The following PSMA6 variants were observed in gnomAD, a reference collection of about 807,000 sequenced individuals.
PSMA6 encodes proteasome subunit alpha type-6.
For missense variants in PSMA6, 170 were observed against 294.8 expected, an observed-to-expected ratio of 0.58 and a Z score of 3.10; for synonymous variants, 88 against 97.7, an observed-to-expected ratio of 0.90 and a Z score of 0.59.
intron 1 of PSMA6, among the ~76,000 whole-genome samples, chr14:35,302,653 G>T (rs1442465112): frequency 6.6e-6 from 1 of 151,804 alleles, no homozygotes; most frequent in East Asian, 1.9e-4. Context: ...GACTCCAGTT[G>T]TACATATCTT....
intron 3 of PSMA6, among the ~76,000 whole-genome samples, chr14:35,309,360 T>C (rs1371158770): frequency 6.6e-6 from 1 of 152,084 alleles, no homozygotes; most frequent in East Asian, 1.9e-4. Flanking sequence ...ATTATGAAAA[T>C]TATTTTAGGT....
At chr14:35,316,628 G>A (rs1566565486) in intron 6 of PSMA6, 2 of 152,194 alleles carry the variant, frequency 1.3e-5, no homozygotes, top group African/African-American at 4.8e-5. Flanking sequence ...AGCACTTTGG[G>A]AGGCTGAGGC....
chr14:35,297,573 G>A (rs554491711), intron 1 of PSMA6, among the ~76,000 whole-genome samples: 8 of 152,076 alleles, frequency 5.3e-5, no homozygotes, highest in South Asian at 2.1e-4. Context: ...TCAAGCCCAC[G>A]TTTATATGGG....
At chr14:35,314,529 G>T in intron 6 of PSMA6, 74 bp downstream of exon 6, 1 of 1,415,716 alleles carries the variant, frequency 7.1e-7, no homozygotes, top group Non-Finnish European at 9.3e-7. Flanking sequence ...ATAACTTGTG[G>T]GGGAAATCTT....
chr14:35,279,941 G>C (rs916997823), intron 1 of PSMA6, among the ~76,000 whole-genome samples: 1 of 150,784 alleles, frequency 6.6e-6, no homozygotes, highest in South Asian at 2.1e-4. Context: ...TGGCTAACAC[G>C]GTGAAACCCC....
chr14:35,314,628 T>A, intron 6 of PSMA6, 173 bp downstream of exon 6: 2 of 749,490 alleles, frequency 2.7e-6, no homozygotes, highest in Non-Finnish European at 3.7e-6. Flanking sequence ...TGGACTCTAT[T>A]TAAGAGTCAG....
intron 1 of PSMA6, among the ~76,000 whole-genome samples, chr14:35,283,725 C>CCA (rs1401815369): frequency 6.6e-6 from 1 of 151,808 alleles, no homozygotes; most frequent in Admixed American, 6.6e-5. Context: ...GTGGACACCA[C>CCA]CACACCTGGT....
intron 1 of PSMA6, among the ~76,000 whole-genome samples, chr14:35,304,847 C>T (rs1421584987): frequency 6.6e-6 from 1 of 152,000 alleles, no homozygotes. Flanking sequence ...CTCCAGAAGC[C>T]GAGGCAAGAG....
chr14:35,308,143 C>A, intron 2 of PSMA6, 55 bp downstream of exon 2: 1 of 1,590,426 alleles, frequency 6.3e-7, no homozygotes, highest in East Asian at 2.3e-5. Context: ...ATTTTTCAGC[C>A]AAGTGCAGTG....
intron 4 of PSMA6, chr14:35,311,116 A>T: frequency 4.7e-6 from 2 of 421,580 alleles, no homozygotes; most frequent in Non-Finnish European, 8.4e-6. Flanking sequence ...TTTTTATCAA[A>T]GTATTTCCAT....
intron 1 of PSMA6, among the ~76,000 whole-genome samples, chr14:35,300,278 G>A (rs945625511): frequency 6.6e-6 from 1 of 152,146 alleles, no homozygotes; most frequent in Admixed American, 6.6e-5. Flanking sequence ...AAACTAGCCT[G>A]GACAAAATAA....
rs1594376871 is a variant in PSMA6 at position 35,292,515 on chromosome 14, T to G, written c.39T>G (p.Ile13Met). ...RGSSAGFDRH[I>M]TIFSPEGRLY... ...CCAGCGCCGGTTTTGACCGCCACAT[T>G]ACCATTTTTTCACCCGAGGGTCGGC... The change falls in exon 1 of 7, where the codon ATT (isoleucine) becomes ATG (methionine). Residue 13 changes from isoleucine to methionine, a missense_variant. Transcript: ENST00000261479. 6.2e-7 allele frequency: 1 copy of G among 1,613,758 alleles called. No homozygotes were observed. Among genetic ancestry groups the G allele is most frequent in the African/African-American group, 1.3e-5 (1 of 75,032 alleles).
At chr14:35,314,292 A>T in intron 5 of PSMA6, 69 bp from the exon 6 acceptor site, 1 of 1,434,842 alleles carries the variant, frequency 7.0e-7, no homozygotes, top group Non-Finnish European at 9.2e-7. Flanking sequence ...GATTTGAATA[A>T]GCTAGGAATG....
At chr14:35,302,357 A>G (rs1423241864) in intron 1 of PSMA6, among the ~76,000 whole-genome samples, 1 of 152,214 alleles carries the variant, frequency 6.6e-6, no homozygotes, top group East Asian at 1.9e-4. Context: ...GCCATCACAC[A>G]CAGCCAGAAT....
chr14:35,285,207 A>G (rs539919279), intron 1 of PSMA6, among the ~76,000 whole-genome samples: 2 of 152,026 alleles, frequency 1.3e-5, no homozygotes, highest in Non-Finnish European at 2.9e-5. Flanking sequence ...TCAGCCAAGC[A>G]TGGTGGTGCA....
chr14:35,292,336 C>T, upstream of PSMA6: 2 of 1,503,196 alleles, frequency 1.3e-6, no homozygotes, highest in South Asian at 2.6e-5. Flanking sequence ...GGCTCCAGAG[C>T]CGTGAGTTCG....
At chr14:35,287,803 GTA>G (rs1440815514), upstream of PSMA6, among the ~76,000 whole-genome samples, 2 of 152,316 alleles carry the variant, frequency 1.3e-5, no homozygotes, top group African/African-American at 4.8e-5. Context: ...TAGAGCTGCA[GTA>G]TTGGTACCCA....
At chr14:35,293,019 C>T (rs1023376948) in intron 1 of PSMA6, 1 of 457,346 alleles carries the variant, frequency 2.2e-6, no homozygotes, top group Non-Finnish European at 4.4e-6. Context: ...ACTGCTAGTC[C>T]TAGGAGATAC....
At chr14:35,307,164 A>G (rs1417568904) in intron 1 of PSMA6, among the ~76,000 whole-genome samples, 2 of 152,174 alleles carry the variant, frequency 1.3e-5, no homozygotes, top group Non-Finnish European at 2.9e-5. Context: ...GAAAAGAGTC[A>G]TATGTTGTAG....
Sources: allele counts gnomAD v4.1 joint callset (sites outside exome capture counted in the v4.1 genomes callset), GRCh38; gene constraint gnomAD v4.1.1; transcripts MANE v1.5; gene names NCBI Gene and HGNC (gene_info 2026-07-23, HGNC 2026-07-21).